GLT1D1: variants seen among roughly 807,000 people sequenced by gnomAD.
GLT1D1 encodes glycosyltransferase 1 domain containing 1, also known as glycosyltransferase 1 domain-containing protein 1.
A neutral mutation model predicts 28.7 loss-of-function variants in GLT1D1; 21 were observed. The ratio of observed to expected loss-of-function variants is 0.73; its 90% CI spans 0.52 to 1.05. The LOEUF (loss-of-function observed/expected upper bound fraction) is 1.05, where lower values mean the gene tolerates loss of function less well. Ranked by LOEUF, GLT1D1 falls within the 50% of genes least tolerant of loss-of-function variation. The pLI is 0.00. For synonymous variants in GLT1D1, 147 were observed against 124.8 expected (o/e 1.18, Z -1.19); for missense variants, 343 against 330.6 (o/e 1.04, Z -0.29).
At chr12:128,857,801 T>C (rs1956259829) in intron 1 of GLT1D1, among the ~76,000 whole-genome samples, 1 of 152,244 alleles carries the variant, frequency 6.6e-6, no homozygotes, top group Non-Finnish European at 1.5e-5. Context: ...GAAGGGGTTC[T>C]ATTCTTGCAC....
chr12:128,896,946 C>G (rs1413609220), intron 3 of GLT1D1, among the ~76,000 whole-genome samples: 1 of 152,142 alleles, frequency 6.6e-6, no homozygotes. Flanking sequence ...ATTGCAAGGT[C>G]TAACGCTACG....
chr12:128,867,711 A>G (rs1398223224), intron 1 of GLT1D1, among the ~76,000 whole-genome samples: 1 of 152,198 alleles, frequency 6.6e-6, no homozygotes, highest in African/African-American at 2.4e-5. Context: ...GCGTTGTTCC[A>G]GATGCTCACA....
At chr12:128,953,751 T>G (rs903266338) in intron 6 of GLT1D1, among the ~76,000 whole-genome samples, 3 of 152,034 alleles carry the variant, frequency 2.0e-5, no homozygotes, top group African/African-American at 7.2e-5. Context: ...AGCTTTTTTT[T>G]TTTTTTGTCT....
rs575567419 is a variant in GLT1D1 at position 128,868,284 on chromosome 12, A to G, written c.69-7630A>G. ...TCTCTGAAAACACGACCCAGGTCCC[A>G]GAATTGAACGTCTAGGGGTGGGTGT... On this transcript the variant is annotated intron_variant, in intron 1 of 7. Coordinates refer to ENST00000281703, the MANE Select transcript of GLT1D1 (RefSeq NM_144669.3). 2.7e-3 allele frequency among the ~76,000 whole-genome samples: 407 copies of G among 152,320 alleles called. 2 individuals carry two copies. Among genetic ancestry groups the G allele is most frequent in the African/African-American group, 9.4e-3 (391 of 41,576 alleles).
intron 4 of GLT1D1, among the ~76,000 whole-genome samples, chr12:128,911,255 C>T (rs1329258701): frequency 6.6e-6 from 1 of 152,220 alleles, no homozygotes; most frequent in African/African-American, 2.4e-5. Context: ...TGCCTGGATG[C>T]TGCCTCTACC....
chr12:128,863,315 G>A (rs1956425446), intron 1 of GLT1D1, among the ~76,000 whole-genome samples: 1 of 152,222 alleles, frequency 6.6e-6, no homozygotes, highest in Admixed American at 6.5e-5. Flanking sequence ...GTACAAGGCA[G>A]GCCCGCTCTG....
rs145470633 is a variant in GLT1D1 at position 128,972,271 on chromosome 12, G to T, written c.640-10658G>T. ...TTGGTCTGTGACCACCGCCCATGCG[G>T]TCACTCAGAGCCCAGGCTCCTTCCA... On this transcript the variant is annotated intron_variant, in intron 7 of 7. Coordinates refer to ENST00000281703, the MANE Select transcript of GLT1D1 (RefSeq NM_144669.3). Among the ~76,000 whole-genome samples, 1,013 of 152,374 alleles carry T rather than the reference G, an allele frequency of 6.6e-3. 10 individuals carry two copies. The highest frequency in any genetic ancestry group is 0.023 in the African/African-American group (960 of 41,594).
intron 7 of GLT1D1, among the ~76,000 whole-genome samples, chr12:128,963,666 T>G (rs1428362270): frequency 6.6e-6 from 1 of 152,138 alleles, no homozygotes. Context: ...AAAAGGTGTT[T>G]TTTTCTCTCT....
intron 2 of GLT1D1, among the ~76,000 whole-genome samples, chr12:128,884,289 G>A (rs1345482446): frequency 6.6e-6 from 1 of 152,116 alleles, no homozygotes; most frequent in African/African-American, 2.4e-5. Flanking sequence ...AATACAATAA[G>A]CCAGTCACAG....
chr12:128,926,593 TG>T (rs1385768041), intron 4 of GLT1D1, 139 bp downstream of exon 7: 2 of 545,318 alleles, frequency 3.7e-6, no homozygotes, highest in African/African-American at 1.9e-5. Flanking sequence ...ATTGCTACTT[TG>T]GAAAAGAACA....
intron 3 of GLT1D1, among the ~76,000 whole-genome samples, chr12:128,889,671 C>T (rs1868810750): frequency 6.6e-6 from 1 of 152,204 alleles, no homozygotes; most frequent in Non-Finnish European, 1.5e-5. Flanking sequence ...TCTGGACCAG[C>T]CCCCGCACTG....
At chr12:128,875,041 A>G (rs2135795292) in intron 1 of GLT1D1, among the ~76,000 whole-genome samples, 1 of 149,672 alleles carries the variant, frequency 6.7e-6, no homozygotes, top group Admixed American at 6.7e-5. Context: ...GACATGTTTG[A>G]AAGACATAAA....
Position 128,983,060 on chromosome 12 carries a change from CAGGAAGCTGGA to C in GLT1D1, c.779_789del (p.Leu260HisfsTer2). 1 of 1,614,136 alleles carries C rather than the reference CAGGAAGCTGGA, an allele frequency of 6.2e-7. No individual in the cohort carries two copies. Among genetic ancestry groups the C allele is most frequent in the Non-Finnish European group, 8.5e-7 (1 of 1,180,012 alleles). On this transcript the variant is annotated frameshift_variant, in exon 8 of 8. Transcript: ENST00000281703. LOFTEE classifies it low-confidence loss of function (END_TRUNC). This position sits in a 1 kb window ranked among gnomAD's most constrained non-coding sequence, Gnocchi z 4.7. ...AAAGAGACACCTACCAACAGCTCAT[CAGGAAGCTGGA>C]AGGAAGCACTGAAGATTGAGGGCCC...
rs553167220 is a variant in GLT1D1, at chr12:128,981,893, G to A, written c.640-1036G>A. On this transcript the variant is annotated intron_variant, in intron 7 of 7. Transcript: ENST00000281703. Reference sequence around the variant, plus strand: ...AAGAAATTGACCCACTGCCGCTCACGTGAAGGGTAGGGTGTGGATTTAAAC... The same window carrying A: ...AAGAAATTGACCCACTGCCGCTCACATGAAGGGTAGGGTGTGGATTTAAAC... 5.3e-5 allele frequency among the ~76,000 whole-genome samples: 8 copies of A among 152,300 alleles called. No individual in the cohort carries two copies. The East Asian group carries it at 9.7e-4, about 18-fold the overall frequency.
intron 4 of GLT1D1, among the ~76,000 whole-genome samples, chr12:128,929,669 G>A (rs546520873): frequency 1.6e-4 from 25 of 152,260 alleles, no homozygotes; most frequent in Admixed American, 1.2e-3. Context: ...TATTAAAAAT[G>A]TCAAGGGCTA....
At chr12:128,938,242 T>C (rs1328906744) in intron 4 of GLT1D1, among the ~76,000 whole-genome samples, 1 of 152,226 alleles carries the variant, frequency 6.6e-6, no homozygotes, top group African/African-American at 2.4e-5. Context: ...AATAAGCTAA[T>C]GCATGTAAAG....
intron 7 of GLT1D1, among the ~76,000 whole-genome samples, chr12:128,963,535 A>G (rs1359191079): frequency 6.6e-6 from 1 of 152,104 alleles, no homozygotes; most frequent in African/African-American, 2.4e-5. Flanking sequence ...AATCCCAGCT[A>G]CTTGGGAGGC....
At chr12:128,879,436 TTCTTTCTTTC>T (rs1247662170) in intron 2 of GLT1D1, among the ~76,000 whole-genome samples, 3 of 127,428 alleles carry the variant, frequency 2.4e-5, no homozygotes, top group Non-Finnish European at 4.8e-5. Flanking sequence ...CTTTCTTTCT[TTCTTTCTTTC>T]TTTCTTTCTT....
chr12:128,892,707 T>A (rs950497575), intron 3 of GLT1D1, among the ~76,000 whole-genome samples: 3 of 152,182 alleles, frequency 2.0e-5, no homozygotes, highest in Admixed American at 6.5e-5. Flanking sequence ...ATTTCATTTT[T>A]AATCAAATGT....
Sources: allele counts gnomAD v4.1 joint callset (sites outside exome capture counted in the v4.1 genomes callset), GRCh38; gene constraint gnomAD v4.1.1; non-coding constraint Gnocchi (gnomAD v3.1); transcripts MANE v1.5; gene names NCBI Gene and HGNC (gene_info 2026-07-23, HGNC 2026-07-21).